The following TUSC3 variants were observed in gnomAD, a reference collection of about 807,000 sequenced individuals.
TUSC3 encodes tumor suppressor candidate 3.
Under a neutral mutation model 44.8 loss-of-function variants are expected in TUSC3, and 45 were observed. That is an observed-to-expected ratio of 1.00 (90% CI 0.79 to 1.29). The LOEUF (loss-of-function observed/expected upper bound fraction) is 1.29, where lower values mean the gene tolerates loss of function less well. Ranked by LOEUF, TUSC3 falls within the 50% of genes most tolerant of loss-of-function variation. TUSC3 has a pLI of 0.00. For missense variants in TUSC3, 519 were observed against 437.9 expected, an observed-to-expected ratio of 1.19 and a Z score of -1.65; for synonymous variants, 212 against 152.9, an observed-to-expected ratio of 1.39 and a Z score of -2.85.
At chr8:15,522,236 G>GTT (rs539662664) in intron 2 of TUSC3, among the ~76,000 whole-genome samples, 2 of 145,466 alleles carry the variant, frequency 1.4e-5, no homozygotes, top group Non-Finnish European at 1.5e-5. Context: ...TCAGCCCTTT[G>GTT]TTTTTTTTTT....
intron 1 of TUSC3, among the ~76,000 whole-genome samples, chr8:15,569,220 G>A (rs113765167): frequency 7.0e-4 from 106 of 152,238 alleles, no homozygotes; most frequent in Middle Eastern, 3.4e-3. Flanking sequence ...AGTACTGTAA[G>A]ATAGATAAGC....
chr8:15,569,389 T>G (rs1013222930), intron 1 of TUSC3, among the ~76,000 whole-genome samples: 6 of 152,146 alleles, frequency 3.9e-5, no homozygotes, highest in Admixed American at 6.5e-5. Flanking sequence ...TCAGAGAGTT[T>G]CCTCGTGAAT....
the TUSC3 span, among the ~76,000 whole-genome samples, chr8:15,774,575 T>C: frequency 6.6e-6 from 1 of 152,166 alleles, no homozygotes; most frequent in Non-Finnish European, 1.5e-5. Flanking sequence ...ACTTTTAGTC[T>C]CCAGAACATT....
intron 1 of TUSC3, among the ~76,000 whole-genome samples, chr8:15,432,038 T>C (rs1799879228): frequency 6.6e-6 from 1 of 151,914 alleles, no homozygotes; most frequent in African/African-American, 2.4e-5. Context: ...TGAGGATTTT[T>C]GTATCTGTGT....
chr8:15,511,976 C>T (rs4831732), intron 2 of TUSC3, among the ~76,000 whole-genome samples: 1 of 152,108 alleles, frequency 6.6e-6, no homozygotes, highest in Non-Finnish European at 1.5e-5. Context: ...AATCCCCATC[C>T]AAGTTCCAGT....
the TUSC3 span, among the ~76,000 whole-genome samples, chr8:15,804,777 C>G: frequency 6.6e-6 from 1 of 152,080 alleles, no homozygotes. Flanking sequence ...CAACTTTGCT[C>G]TTTTTGCTTA....
At chr8:15,676,269 G>A (rs1266206171) in intron 6 of TUSC3, among the ~76,000 whole-genome samples, 1 of 152,078 alleles carries the variant, frequency 6.6e-6, no homozygotes, top group South Asian at 2.1e-4. Flanking sequence ...CCGCTTATCT[G>A]TCTTCTTTTC....
rs554290736 is a variant in TUSC3 at position 15,625,639 on chromosome 8, G to A, written c.308+2390G>A. Among the ~76,000 whole-genome samples, 16 of 152,282 alleles carry A rather than the reference G, an allele frequency of 1.1e-4. No individual in the cohort carries two copies. The East Asian group carries it at 2.9e-3, about 28-fold the overall frequency. ...ATGTTGTATATTCATTGTAGACTTG[G>A]TTTAGGCTTCTAAATCATTTTGAGC... On this transcript the variant is annotated intron_variant, in intron 2 of 10. Transcript: ENST00000503731.
intron 1 of TUSC3, among the ~76,000 whole-genome samples, chr8:15,596,760 G>T (rs541261886): frequency 6.6e-6 from 1 of 152,150 alleles, no homozygotes; most frequent in African/African-American, 2.4e-5. Context: ...GAACTGATTG[G>T]ATATAATGTT....
intron 7 of TUSC3, among the ~76,000 whole-genome samples, chr8:15,740,637 G>GATAAA (rs1811152867): frequency 6.6e-6 from 1 of 152,120 alleles, no homozygotes; most frequent in South Asian, 2.1e-4. Context: ...TTATCAGTTT[G>GATAAA]ATAAAATCAA....
chr8:15,835,722 T>C, the TUSC3 span, among the ~76,000 whole-genome samples: 2 of 152,300 alleles, frequency 1.3e-5, no homozygotes, highest in African/African-American at 4.8e-5. Flanking sequence ...GTCTCTACTT[T>C]CAGTGTGTAT....
At chr8:15,444,698 G>T (rs1228630699) in intron 1 of TUSC3, among the ~76,000 whole-genome samples, 1 of 152,130 alleles carries the variant, frequency 6.6e-6, no homozygotes, top group Non-Finnish European at 1.5e-5. Context: ...GTCAAGGAGA[G>T]AATCTTTGTC....
intron 1 of TUSC3, among the ~76,000 whole-genome samples, chr8:15,430,948 T>G (rs1799866230): frequency 6.6e-6 from 1 of 151,824 alleles, no homozygotes; most frequent in Non-Finnish European, 1.5e-5. Flanking sequence ...TGACTGTCCT[T>G]TCCCCATTGT....
chr8:15,483,649 A>ATTT lies in TUSC3; in HGVS notation n.189+188_189+190dup, dbSNP rs60092911. ...CCGTCGTGCCCAGCCTAGCACTGTGATTTTTTTTTTTTTTTTTTTTTTTTG... is the reference window on the plus strand; with the variant it reads ...CCGTCGTGCCCAGCCTAGCACTGTGATTTTTTTTTTTTTTTTTTTTTTTTTTTG... On this transcript the variant is annotated intron_variant and non_coding_transcript_variant, in intron 2 of 5. Transcript: ENST00000503191. Among the ~76,000 whole-genome samples, 391 of 66,128 alleles carry ATTT rather than the reference A, an allele frequency of 5.9e-3. 24 individuals are homozygous for ATTT. The highest frequency in any genetic ancestry group is 9.0e-3 in the Non-Finnish European group (325 of 36,272). 43.4% of individuals were successfully genotyped at this position (66,128 alleles called of 152,430 possible).
At chr8:15,764,094 G>A (rs926577938) in intron 10 of TUSC3, 109 bp from the exon 11 acceptor site, 2 of 1,118,736 alleles carry the variant, frequency 1.8e-6, no homozygotes, top group Admixed American at 2.2e-5. Context: ...ATACAATTAT[G>A]ACATTTTAAT....
the TUSC3 span, among the ~76,000 whole-genome samples, chr8:15,775,453 T>C: frequency 2.0e-5 from 3 of 152,036 alleles, no homozygotes; most frequent in South Asian, 6.2e-4. Flanking sequence ...ATTAATTTTA[T>C]GCTACCTGCA....
chr8:15,506,392 C>T (rs934317991), intron 2 of TUSC3, among the ~76,000 whole-genome samples: 1 of 152,206 alleles, frequency 6.6e-6, no homozygotes, highest in Non-Finnish European at 1.5e-5. Flanking sequence ...CTCCACATTT[C>T]TGTGTAAAAA....
chr8:15,461,121 T>A (rs539856373), intron 1 of TUSC3, among the ~76,000 whole-genome samples: 1 of 152,036 alleles, frequency 6.6e-6, no homozygotes, highest in African/African-American at 2.4e-5. Context: ...CCTTTGGCAG[T>A]ATGGTCATTT....
At chr8:15,435,150 C>G (rs966231076) in intron 1 of TUSC3, among the ~76,000 whole-genome samples, 7 of 149,658 alleles carry the variant, frequency 4.7e-5, no homozygotes, top group African/African-American at 1.5e-4. Context: ...ACAGTCCCAC[C>G]AACATTGTAA....
Sources: gnomAD v4.1 joint callset for allele counts (sites outside exome capture counted in the v4.1 genomes callset) on GRCh38, gnomAD v4.1.1 for gene constraint, MANE v1.5 for transcripts, NCBI Gene and HGNC (gene_info 2026-07-23, HGNC 2026-07-21) for gene names.